Variants in LINGO2 observed in about 807,000 individuals in gnomAD.
The protein encoded by LINGO2 is leucine rich repeat and Ig domain containing 2.
LINGO2 carries 14 observed loss-of-function variants against 30.6 expected under a neutral mutation model. The observed-to-expected ratio is 0.46, with a 90% CI of 0.30 to 0.72. LINGO2 has a LOEUF of 0.72. LINGO2 is among the 30% of genes least tolerant of loss of function. The pLI is 0.07. For synonymous variants in LINGO2, 317 were observed against 288.5 expected (o/e 1.10, Z -1.00); for missense variants, 729 against 751.7 (o/e 0.97, Z 0.35).
chr9:28,526,328 G>A (rs1821036954), intron 1 of LINGO2, among the ~76,000 whole-genome samples: 1 of 152,048 alleles, frequency 6.6e-6, no homozygotes, highest in African/African-American at 2.4e-5. Context: ...AGAAAAGCAG[G>A]TTTGCATCAG....
chr9:29,035,121 TAAA>T, the LINGO2 span, among the ~76,000 whole-genome samples: 1 of 151,992 alleles, frequency 6.6e-6, no homozygotes, highest in Admixed American at 6.6e-5. Flanking sequence ...ACATAAGACA[TAAA>T]GAAAAATATA....
At chr9:28,507,323 A>C (rs1012483911) in intron 1 of LINGO2, among the ~76,000 whole-genome samples, 2 of 152,222 alleles carry the variant, frequency 1.3e-5, no homozygotes, top group African/African-American at 4.8e-5. Context: ...CAAGAGAAAA[A>C]GATACTTTGC....
chr9:28,547,775 T>C (rs956860322), intron 1 of LINGO2, among the ~76,000 whole-genome samples: 1 of 151,930 alleles, frequency 6.6e-6, no homozygotes, highest in Non-Finnish European at 1.5e-5. Flanking sequence ...AAGGTAAACT[T>C]GAGAATGACA....
At chr9:29,066,927 C>G in the LINGO2 span, among the ~76,000 whole-genome samples, 1 of 151,840 alleles carries the variant, frequency 6.6e-6, no homozygotes, top group East Asian at 1.9e-4. Flanking sequence ...GTTTCAAATA[C>G]TCACATAGCA....
At chr9:28,282,156 G>C (rs1198951354) in intron 4 of LINGO2, among the ~76,000 whole-genome samples, 1 of 152,072 alleles carries the variant, frequency 6.6e-6, no homozygotes, top group Non-Finnish European at 1.5e-5. Flanking sequence ...ATTCATTAGA[G>C]ACCAAAGTTT....
At chr9:28,021,181 G>T (rs1054613933) in intron 4 of LINGO2, among the ~76,000 whole-genome samples, 1 of 151,720 alleles carries the variant, frequency 6.6e-6, no homozygotes, top group African/African-American at 2.4e-5. Context: ...ATATTTCTAA[G>T]GACTGATTTT....
At chr9:28,649,129 G>A (rs747833314) in intron 1 of LINGO2, among the ~76,000 whole-genome samples, 12 of 152,062 alleles carry the variant, frequency 7.9e-5, no homozygotes, top group Non-Finnish European at 1.3e-4. Flanking sequence ...GAATGCCTAT[G>A]TTTTCAGTCA....
the LINGO2 span, among the ~76,000 whole-genome samples, chr9:28,908,660 T>G: frequency 1.4e-4 from 21 of 151,914 alleles, no homozygotes; most frequent in African/African-American, 2.4e-5. Context: ...AAAATAATCG[T>G]TAAAAATGGC....
chr9:28,958,626 T>A, the LINGO2 span, among the ~76,000 whole-genome samples: 1 of 151,972 alleles, frequency 6.6e-6, no homozygotes, highest in Non-Finnish European at 1.5e-5. Flanking sequence ...AGCCCCCTTA[T>A]CATATTATGC....
chr9:28,337,351 T>A (rs1452871084), intron 3 of LINGO2, among the ~76,000 whole-genome samples: 1 of 151,988 alleles, frequency 6.6e-6, no homozygotes, highest in Non-Finnish European at 1.5e-5. Flanking sequence ...TAATCAAATG[T>A]AAACAAATCA....
chr9:28,312,155 C>CTTTTTTTTTTTTTTTTTTT (rs72304845), intron 3 of LINGO2, among the ~76,000 whole-genome samples: 1 of 143,262 alleles, frequency 7.0e-6, no homozygotes, highest in Non-Finnish European at 1.5e-5. Flanking sequence ...TTTCTTTTTT[C>CTTTTTTTTTTTTTTTTTTT]TTTTTTTTGT....
the LINGO2 span, among the ~76,000 whole-genome samples, chr9:29,088,799 G>C: frequency 6.6e-6 from 1 of 152,068 alleles, no homozygotes; most frequent in East Asian, 1.9e-4. Flanking sequence ...CACAATATAG[G>C]AGAAAGACTC....
the LINGO2 span, among the ~76,000 whole-genome samples, chr9:28,762,874 G>T: frequency 1.3e-5 from 2 of 152,030 alleles, no homozygotes; most frequent in Non-Finnish European, 2.9e-5. Flanking sequence ...CAGGAAGGAA[G>T]AAAGGAAGGA....
chr9:28,574,020 C>T (rs955965662), intron 1 of LINGO2, among the ~76,000 whole-genome samples: 9 of 152,144 alleles, frequency 5.9e-5, no homozygotes, highest in Admixed American at 3.3e-4. Context: ...TGGCTATCTT[C>T]ACATTAACAA....
the LINGO2 span, among the ~76,000 whole-genome samples, chr9:28,945,708 G>A: frequency 2.0e-5 from 3 of 152,236 alleles, no homozygotes; most frequent in Admixed American, 2.0e-4. Flanking sequence ...TATTTAAAAT[G>A]CTTTCCAGGT....
the LINGO2 span, among the ~76,000 whole-genome samples, chr9:28,888,513 T>C: frequency 2.2e-4 from 34 of 152,030 alleles, no homozygotes; most frequent in Non-Finnish European, 4.1e-4. Flanking sequence ...TTTAAGGGAA[T>C]ACATATGATT....
chr9:28,459,419 C>T (rs961467973), intron 2 of LINGO2, among the ~76,000 whole-genome samples: 2 of 152,086 alleles, frequency 1.3e-5, no homozygotes, highest in South Asian at 2.1e-4. Context: ...GATAGTGATA[C>T]GCTTCAGCTC....
intron 5 of LINGO2, among the ~76,000 whole-genome samples, chr9:27,983,570 G>A (rs1820984486): frequency 6.6e-6 from 1 of 151,822 alleles, no homozygotes; most frequent in Non-Finnish European, 1.5e-5. Context: ...CCCACTAACT[G>A]TGTGACCTTA....
chr9:28,634,512 G>A (rs2135899477), intron 1 of LINGO2, among the ~76,000 whole-genome samples: 1 of 127,624 alleles, frequency 7.8e-6, no homozygotes, highest in South Asian at 2.5e-4. Context: ...TTGAAATGGA[G>A]TTTCACTCTG....
Sources: allele counts gnomAD v4.1 joint callset (sites outside exome capture counted in the v4.1 genomes callset), GRCh38; gene constraint gnomAD v4.1.1; transcripts MANE v1.5; gene names NCBI Gene and HGNC (gene_info 2026-07-23, HGNC 2026-07-21).